Variants in FAM120A observed in about 807,000 individuals in gnomAD.
FAM120A encodes the protein constitutive coactivator of PPAR-gamma-like protein 1.
In FAM120A, 15 loss-of-function variants were observed where a neutral mutation model predicts 109.7. The observed-to-expected ratio is 0.14, with a 90% confidence interval of 0.09 to 0.21. The LOEUF is 0.21. Among genes scored for constraint, FAM120A ranks in the 10% least tolerant of loss-of-function variants. The probability of loss-of-function intolerance (pLI) is 1.00; values close to 1 mark genes in which losing one functional copy is unlikely to be tolerated. For synonymous variants in FAM120A, 493 were observed against 572.8 expected, an observed-to-expected ratio of 0.86 and a Z score of 1.99; for missense variants, 899 against 1,439.3, an observed-to-expected ratio of 0.62 and a Z score of 6.07.
At chr9:93,490,477 C>T (rs982075220) in intron 3 of FAM120A, among the ~76,000 whole-genome samples, 1 of 152,150 alleles carries the variant, frequency 6.6e-6, no homozygotes, top group Non-Finnish European at 1.5e-5. Context: ...TTTCAGTCAA[C>T]ATGTTATATG....
chr9:93,511,289 C>A (rs543298954), intron 5 of FAM120A, among the ~76,000 whole-genome samples: 43 of 152,352 alleles, frequency 2.8e-4, no homozygotes, highest in African/African-American at 1.0e-3. Context: ...TGGGCGCCGG[C>A]CTCTGGCTCT....
At chr9:93,519,961 A>C (rs958471499) in intron 7 of FAM120A, among the ~76,000 whole-genome samples, 1 of 152,034 alleles carries the variant, frequency 6.6e-6, no homozygotes, top group Admixed American at 6.6e-5. Context: ...CTGTAGCCTC[A>C]AACTCCTGGG....
At chr9:93,469,354 G>C (rs1858204730) in intron 1 of FAM120A, among the ~76,000 whole-genome samples, 1 of 152,170 alleles carries the variant, frequency 6.6e-6, no homozygotes, top group African/African-American at 2.4e-5. Context: ...GACTTTTCTA[G>C]ATCTCCTTGG....
chr9:93,473,000 A>T (rs1858376584), intron 2 of FAM120A, among the ~76,000 whole-genome samples: 1 of 151,726 alleles, frequency 6.6e-6, no homozygotes, highest in South Asian at 2.1e-4. Context: ...TCAAGTTTTC[A>T]TCGTTAAGAT....
At chr9:93,467,860 C>T (rs1858119419) in intron 1 of FAM120A, among the ~76,000 whole-genome samples, 1 of 151,560 alleles carries the variant, frequency 6.6e-6, no homozygotes, top group African/African-American at 2.4e-5. Flanking sequence ...CACATGCCAC[C>T]TTTGTTTTTT....
intron 3 of FAM120A, among the ~76,000 whole-genome samples, chr9:93,488,923 C>T (rs1859189780): frequency 6.6e-6 from 1 of 151,370 alleles, no homozygotes; most frequent in South Asian, 2.1e-4. Flanking sequence ...TGTTTAAATT[C>T]AGGTCTGATC....
chr9:93,459,827 A>G (rs1201491705), intron 1 of FAM120A, among the ~76,000 whole-genome samples: 3 of 152,252 alleles, frequency 2.0e-5, no homozygotes, highest in Non-Finnish European at 2.9e-5. Flanking sequence ...TGCACAGAAC[A>G]GCCCCCATAG....
Position 93,564,306 on chromosome 9 carries a change from T to C in FAM120A, c.3123T>C (p.Ser1041=), listed in dbSNP as rs750107820. 6.2e-7 allele frequency: 1 copy of C among 1,614,190 alleles called. No individual in the cohort carries two copies. Among genetic ancestry groups the C allele is most frequent in the South Asian group, 1.1e-5 (1 of 91,082 alleles). The change falls in exon 18 of 18, where the codon TCT becomes TCC. Residue 1041 remains serine (S), a synonymous_variant. Coordinates refer to ENST00000277165, the MANE Select transcript of FAM120A (RefSeq NM_014612.5). ...LKSKSGESKS[S]AMSSDGSLAE... ...CAAAATCTGGGGAATCGAAGTCCTC[T>C]GCTATGTCTTCAGACGGGTCCCTGG...
chr9:93,550,538 C>T, intron 11 of FAM120A, 39 bp from the exon 12 acceptor site: 1 of 1,526,854 alleles, frequency 6.5e-7, no homozygotes, highest in African/African-American at 1.4e-5. Context: ...CGGGCGACCA[C>T]TCAGTAATCA....
At chr9:93,535,220 G>T (rs1564350278) in intron 10 of FAM120A, among the ~76,000 whole-genome samples, 1 of 152,226 alleles carries the variant, frequency 6.6e-6, no homozygotes, top group Non-Finnish European at 1.5e-5. Context: ...TAAGTGCTGA[G>T]ATGCTTTGAA....
intron 3 of FAM120A, among the ~76,000 whole-genome samples, chr9:93,493,740 G>A (rs908793577): frequency 1.3e-5 from 2 of 152,218 alleles, no homozygotes; most frequent in Admixed American, 6.5e-5. Context: ...GGGGCCCAGT[G>A]TCCTCCTGGG....
At chr9:93,529,237 C>G in intron 8 of FAM120A, 116 bp from the exon 9 acceptor site, 1 of 899,836 alleles carries the variant, frequency 1.1e-6, no homozygotes, top group Non-Finnish European at 1.6e-6. Context: ...CTCTCTAAGA[C>G]AGGACTCATC....
chr9:93,463,219 GGGT>G, intron 1 of FAM120A, among the ~76,000 whole-genome samples: 1 of 152,090 alleles, frequency 6.6e-6, no homozygotes, highest in African/African-American at 2.4e-5. Flanking sequence ...CCATCCTAAT[GGGT>G]GTGAGGTATT....
At chr9:93,473,659 A>G (rs1278853685) in intron 2 of FAM120A, among the ~76,000 whole-genome samples, 1 of 152,246 alleles carries the variant, frequency 6.6e-6, no homozygotes, top group Non-Finnish European at 1.5e-5. Context: ...ATGTTTTACT[A>G]TATGAGTCAG....
At position 93,562,768 on chromosome 9, in the gene FAM120A, G is replaced by A. The variant is rs898400948; in HGVS notation, c.3045+464G>A. On this transcript the variant is annotated intron_variant, in intron 17 of 17. Coordinates refer to ENST00000277165, the MANE Select transcript of FAM120A (RefSeq NM_014612.5). ...CAACCTCCACTTCCCGGGTTCAAGC[G>A]ATTCGCTTGCGTCAGCCTCCCGAAT... Among the ~76,000 whole-genome samples the A allele has an allele frequency of 2.3e-4, 34 of 150,430 alleles. No homozygotes were observed. In the Middle Eastern group the frequency reaches 0.01, roughly 46 times the overall value.
chr9:93,524,310 A>C (rs1860974003), intron 7 of FAM120A, among the ~76,000 whole-genome samples: 1 of 152,202 alleles, frequency 6.6e-6, no homozygotes, highest in Non-Finnish European at 1.5e-5. Context: ...CACCCCTGAC[A>C]GTCAGGAACA....
intron 11 of FAM120A, among the ~76,000 whole-genome samples, chr9:93,545,137 C>A (rs548631767): frequency 6.6e-6 from 1 of 152,218 alleles, no homozygotes; most frequent in South Asian, 2.1e-4. Context: ...TGTCTCCCTG[C>A]CTCAGCCCTG....
At chr9:93,519,990 C>G (rs1860776670) in intron 7 of FAM120A, among the ~76,000 whole-genome samples, 1 of 152,136 alleles carries the variant, frequency 6.6e-6, no homozygotes, top group African/African-American at 2.4e-5. Context: ...ATCCTCACAC[C>G]TTAGCATGTT....
intron 5 of FAM120A, among the ~76,000 whole-genome samples, chr9:93,511,453 G>A (rs907887311): frequency 1.3e-4 from 20 of 152,324 alleles, no homozygotes; most frequent in Non-Finnish European, 2.4e-4. Context: ...GACCGGCTCT[G>A]TGGGGCCTCC....
Sources: allele counts gnomAD v4.1 joint callset (sites outside exome capture counted in the v4.1 genomes callset), GRCh38; gene constraint gnomAD v4.1.1; transcripts MANE v1.5; gene names NCBI Gene and HGNC (gene_info 2026-07-23, HGNC 2026-07-21).